Variants in CACNA2D1 observed in about 807,000 individuals in gnomAD.
CACNA2D1 encodes calcium voltage-gated channel auxiliary subunit alpha2delta 1, also known as voltage-dependent calcium channel subunit alpha-2/delta-1.
CACNA2D1 carries 53 observed loss-of-function variants against 171.5 expected under a neutral mutation model. The ratio of observed to expected loss-of-function variants is 0.31; its 90% CI spans 0.25 to 0.39. The LOEUF is 0.39. Among genes scored for constraint, CACNA2D1 ranks in the 10% least tolerant of loss-of-function variants. The pLI, the probability that CACNA2D1 is intolerant of heterozygous loss-of-function variation, is 1.00. For synonymous variants in CACNA2D1, 442 were observed against 443.1 expected (o/e 1.00, Z 0.03); for missense variants, 903 against 1,299.8 (o/e 0.69, Z 4.69).
chr7:82,058,330 T>C (rs1233515803), intron 10 of CACNA2D1, among the ~76,000 whole-genome samples: 1 of 152,112 alleles, frequency 6.6e-6, no homozygotes, highest in African/African-American at 2.4e-5. Context: ...AATAAGACAT[T>C]CACCACATTG....
intron 4 of CACNA2D1, among the ~76,000 whole-genome samples, chr7:82,160,119 G>C (rs1255431372): frequency 2.0e-5 from 3 of 151,856 alleles, no homozygotes; most frequent in South Asian, 2.1e-4. Flanking sequence ...CTATGAACTG[G>C]AAACAGACTG....
At chr7:82,125,204 A>C (rs1272050708) in intron 5 of CACNA2D1, among the ~76,000 whole-genome samples, 1 of 152,240 alleles carries the variant, frequency 6.6e-6, no homozygotes, top group African/African-American at 2.4e-5. Flanking sequence ...ATGATCAATA[A>C]AATAAAAAGG....
intron 1 of CACNA2D1, among the ~76,000 whole-genome samples, chr7:82,424,443 G>A (rs545064488): frequency 4.9e-4 from 75 of 152,254 alleles, no homozygotes; most frequent in Non-Finnish European, 8.7e-4. Context: ...TAACTGGGGC[G>A]TTAGAGGACA....
At chr7:82,087,299 G>A (rs1056313704) in intron 6 of CACNA2D1, among the ~76,000 whole-genome samples, 4 of 152,032 alleles carry the variant, frequency 2.6e-5, no homozygotes, top group Non-Finnish European at 2.9e-5. Context: ...ATTCAAAGAC[G>A]ATCTGCCATA....
At chr7:82,213,192 C>T (rs1402392693) in intron 3 of CACNA2D1, among the ~76,000 whole-genome samples, 1 of 152,172 alleles carries the variant, frequency 6.6e-6, no homozygotes, top group Non-Finnish European at 1.5e-5. Flanking sequence ...TGAGCCACTG[C>T]ACCTGGCCCA....
intron 2 of CACNA2D1, among the ~76,000 whole-genome samples, chr7:82,344,375 T>A (rs1819013286): frequency 6.6e-6 from 1 of 152,332 alleles, no homozygotes; most frequent in East Asian, 1.9e-4. Flanking sequence ...ACTAAATATA[T>A]GTTTAGAGTA....
At chr7:82,057,978 G>C (rs1806152564) in intron 10 of CACNA2D1, among the ~76,000 whole-genome samples, 1 of 152,150 alleles carries the variant, frequency 6.6e-6, no homozygotes, top group South Asian at 2.1e-4. Flanking sequence ...TGACTGGATA[G>C]ACTGGATCCT....
At position 82,008,104 on chromosome 7, in the gene CACNA2D1, C is replaced by A. The variant is rs945568202; in HGVS notation, c.1363-348G>T. On this transcript the variant is annotated intron_variant, in intron 15 of 38. Coordinates refer to ENST00000356860, the MANE Select transcript of CACNA2D1 (RefSeq NM_000722.4). ...TTCATAGTGATAGTTCACCTAATAT[C>A]AGGGCCTCCATAAGCAGAGTGATAA... is the stretch of plus-strand genomic sequence containing the variant. Among the ~76,000 whole-genome samples, 7 of 152,200 alleles carry A rather than the reference C, an allele frequency of 4.6e-5. No individual in the cohort carries two copies. The East Asian group carries it at 1.4e-3, about 29-fold the overall frequency.
At chr7:82,410,494 A>G in intron 1 of CACNA2D1, 2 of 985,240 alleles carry the variant, frequency 2.0e-6, no homozygotes, top group Non-Finnish European at 2.4e-6. Flanking sequence ...GCAGTAGAAA[A>G]ATTACCTCTT....
chr7:82,433,420 G>C (rs1829875152), intron 1 of CACNA2D1, among the ~76,000 whole-genome samples: 1 of 152,064 alleles, frequency 6.6e-6, no homozygotes, highest in Non-Finnish European at 1.5e-5. Context: ...TTACATTTCT[G>C]AATTATGTCA....
intron 3 of CACNA2D1, among the ~76,000 whole-genome samples, chr7:82,272,011 TAC>T (rs1170908435): frequency 6.6e-6 from 1 of 151,634 alleles, no homozygotes; most frequent in Non-Finnish European, 1.5e-5. Flanking sequence ...ATCTAAACAT[TAC>T]TAAAAAAAAG....
intron 4 of CACNA2D1, among the ~76,000 whole-genome samples, chr7:82,169,117 T>C (rs1307223846): frequency 6.6e-6 from 1 of 152,086 alleles, no homozygotes; most frequent in African/African-American, 2.4e-5. Context: ...TAGATTTGTT[T>C]TGCTGCTTTT....
At chr7:82,281,523 ATG>A (rs1810096418) in intron 3 of CACNA2D1, among the ~76,000 whole-genome samples, 1 of 152,204 alleles carries the variant, frequency 6.6e-6, no homozygotes, top group African/African-American at 2.4e-5. Context: ...TCTCAATTAT[ATG>A]GAGTTTCACA....
chr7:81,997,077 C>T, intron 19 of CACNA2D1, 102 bp downstream of exon 19: 1 of 787,344 alleles, frequency 1.3e-6, no homozygotes, highest in Non-Finnish European at 2.3e-6. Context: ...CAGTATCAAA[C>T]AGACAAGCTA....
At chr7:82,161,667 T>G (rs571058905) in intron 4 of CACNA2D1, among the ~76,000 whole-genome samples, 1 of 152,158 alleles carries the variant, frequency 6.6e-6, no homozygotes, top group South Asian at 2.1e-4. Flanking sequence ...AAGATCAGGA[T>G]GCTGATGGAG....
chr7:82,067,280 T>C (rs374843025), intron 7 of CACNA2D1, among the ~76,000 whole-genome samples: 2 of 152,170 alleles, frequency 1.3e-5, no homozygotes, highest in African/African-American at 4.8e-5. Context: ...TAAATGCTGA[T>C]GAATTGGATG....
chr7:82,159,627 G>T, intron 4 of CACNA2D1, among the ~76,000 whole-genome samples: 1 of 151,374 alleles, frequency 6.6e-6, no homozygotes, highest in East Asian at 2.0e-4. Context: ...TCCCCAAAAA[G>T]TGAAAGAAAA....
intron 6 of CACNA2D1, among the ~76,000 whole-genome samples, chr7:82,097,451 G>A (rs766492926): frequency 2.6e-5 from 4 of 152,036 alleles, no homozygotes; most frequent in African/African-American, 4.8e-5. Flanking sequence ...AGTGGAAAGA[G>A]ATTAAAAAGA....
At chr7:82,234,277 T>A (rs1205954016) in intron 3 of CACNA2D1, among the ~76,000 whole-genome samples, 4 of 152,098 alleles carry the variant, frequency 2.6e-5, no homozygotes, top group South Asian at 2.1e-4. Flanking sequence ...ACATAATATA[T>A]GCTGTGTCAC....
Sources: gnomAD v4.1 joint callset for allele counts (sites outside exome capture counted in the v4.1 genomes callset) on GRCh38, gnomAD v4.1.1 for gene constraint, MANE v1.5 for transcripts, NCBI Gene and HGNC (gene_info 2026-07-23, HGNC 2026-07-21) for gene names.